Variants in SPAG1 observed in about 807,000 individuals in gnomAD.
SPAG1 encodes sperm associated antigen 1, also known as sperm-associated antigen 1.
Under a neutral mutation model 100.5 loss-of-function variants are expected in SPAG1, and 69 were observed. That is an observed-to-expected ratio of 0.69 (90% CI 0.57 to 0.84). SPAG1 has a LOEUF of 0.84. Ranked by LOEUF, SPAG1 falls within the 40% of genes least tolerant of loss-of-function variation. SPAG1 has a pLI of 0.00. For missense variants in SPAG1, 955 were observed against 1,133.1 expected (o/e 0.84, Z 2.26); for synonymous variants, 336 against 411.6 (o/e 0.82, Z 2.22).
intron 10 of SPAG1, among the ~76,000 whole-genome samples, chr8:100,205,843 C>T (rs568771292): frequency 2.8e-4 from 42 of 151,316 alleles, no homozygotes; most frequent in Admixed American, 2.3e-3. Flanking sequence ...GGTGAAACCC[C>T]GTCTCTACTA....
At chr8:100,215,967 A>G (rs1221716391) in intron 12 of SPAG1, among the ~76,000 whole-genome samples, 3 of 152,204 alleles carry the variant, frequency 2.0e-5, no homozygotes, top group Non-Finnish European at 4.4e-5. Context: ...CTGACATCAG[A>G]CCGCATCCTC....
intron 4 of SPAG1, among the ~76,000 whole-genome samples, chr8:100,180,780 TTA>T (rs2132250169): frequency 6.6e-6 from 1 of 152,352 alleles, no homozygotes; most frequent in African/African-American, 2.4e-5. Flanking sequence ...GTGACTGTAT[TTA>T]AGTCTGTTGG....
chr8:100,240,941 G>A lies in SPAG1; in HGVS notation c.2700G>A (p.Leu900=). Residue 900 remains leucine, a synonymous_variant, in exon 19 of 19, where the codon CTG becomes CTA. Coordinates refer to ENST00000388798, the MANE Select transcript of SPAG1 (RefSeq NM_003114.5). ...SKGQKELIEQ[L]FEDLSDTPNN... is the part of the protein sequence containing the mutation. ...GCCAAAAGGAGCTAATTGAACAGCT[G>A]TTTGAGGACCTTTCGGACACACCAA... is the stretch of plus-strand genomic sequence containing the variant. 1 of 1,611,694 alleles carries A rather than the reference G, an allele frequency of 6.2e-7. No individual in the cohort carries two copies. The highest frequency in any genetic ancestry group is 8.5e-7 in the Non-Finnish European group (1 of 1,179,480).
At chr8:100,217,832 G>A (rs1818077321) in intron 12 of SPAG1, among the ~76,000 whole-genome samples, 1 of 151,962 alleles carries the variant, frequency 6.6e-6, no homozygotes, top group Non-Finnish European at 1.5e-5. Flanking sequence ...ACCCAGGTTG[G>A]AGTGCAATGG....
chr8:100,224,615 G>T (rs1274038210), intron 13 of SPAG1, among the ~76,000 whole-genome samples: 1 of 152,152 alleles, frequency 6.6e-6, no homozygotes, highest in Non-Finnish European at 1.5e-5. Context: ...GAGCAAGAAA[G>T]AGTATCTTAA....
At chr8:100,170,942 A>G (rs1391278783) in intron 3 of SPAG1, among the ~76,000 whole-genome samples, 4 of 152,064 alleles carry the variant, frequency 2.6e-5, no homozygotes, top group African/African-American at 4.8e-5. Context: ...TTACAGGGAA[A>G]TCGTTCTGAC....
In SPAG1 at chr8:100,241,253, G is replaced by A; in HGVS notation, c.*231G>A. On this transcript the variant is annotated 3_prime_UTR_variant, in exon 19 of 19. Transcript: ENST00000388798. The surrounding 1 kb of genome is among the most constrained non-coding windows in gnomAD (Gnocchi z 5.1). ...AACCAAATAAGTATATTTAGAACTT[G>A]TTAAAAATACATTTTAATTTATGAT... 3.2e-6 allele frequency: 1 copy of A among 312,608 alleles called. No homozygotes were observed. The highest frequency in any genetic ancestry group is 5.7e-6 in the Non-Finnish European group (1 of 174,006). The allele number at this position is 312,608 out of a possible 1,614,324, so 19.4% of individuals were successfully genotyped here. A position where few individuals can be genotyped will look rare whatever the true frequency, so the allele number is the denominator to read the frequency against.
intron 3 of SPAG1, among the ~76,000 whole-genome samples, chr8:100,173,310 C>G (rs1037952699): frequency 6.6e-6 from 1 of 152,018 alleles, no homozygotes; most frequent in Non-Finnish European, 1.5e-5. Flanking sequence ...TTCTTTCATA[C>G]TTTGTTTGCC....
chr8:100,214,986 CTCATATATATATAT>C (rs1817900318), intron 12 of SPAG1, among the ~76,000 whole-genome samples: 1 of 90,732 alleles, frequency 1.1e-5, no homozygotes, highest in Non-Finnish European at 2.2e-5. Flanking sequence ...GTAAACTTTA[CTCATATATATATAT>C]ATATATATAT....
At chr8:100,225,382 G>T in intron 14 of SPAG1, 43 bp downstream of exon 14, 1 of 1,581,390 alleles carries the variant, frequency 6.3e-7, no homozygotes, top group South Asian at 1.1e-5. Context: ...GTTACCTTGA[G>T]TTGTGTGTGT....
At chr8:100,224,736 G>T (rs1277622363) in intron 13 of SPAG1, among the ~76,000 whole-genome samples, 1 of 152,060 alleles carries the variant, frequency 6.6e-6, no homozygotes, top group Non-Finnish European at 1.5e-5. Context: ...TGGTAATGTG[G>T]TTATCATAAT....
At chr8:100,169,899 A>G (rs1815742154) in intron 3 of SPAG1, among the ~76,000 whole-genome samples, 1 of 152,074 alleles carries the variant, frequency 6.6e-6, no homozygotes, top group Admixed American at 6.6e-5. Flanking sequence ...ATTATTTTAA[A>G]TGTCCATCTT....
At chr8:100,168,261 A>G in intron 3 of SPAG1, among the ~76,000 whole-genome samples, 1 of 152,106 alleles carries the variant, frequency 6.6e-6, no homozygotes, top group South Asian at 2.1e-4. Flanking sequence ...CCTACCAGGT[A>G]TCTCATTGTG....
chr8:100,161,920 C>A (rs556442087), intron 1 of SPAG1, among the ~76,000 whole-genome samples: 6 of 152,328 alleles, frequency 3.9e-5, no homozygotes, highest in African/African-American at 9.6e-5. Flanking sequence ...GTGATAATTT[C>A]CAGGCCTTCT....
intron 3 of SPAG1, 40 bp from the exon 4 acceptor site, chr8:100,177,776 T>C (rs1409814672): frequency 8.2e-7 from 1 of 1,217,424 alleles, no homozygotes; most frequent in Non-Finnish European, 1.2e-6. Context: ...TTGGTTATAA[T>C]TATTTCAAAC....
At chr8:100,213,960 T>C in intron 12 of SPAG1, 42 bp downstream of exon 12, 1 of 1,171,502 alleles carries the variant, frequency 8.5e-7, no homozygotes, top group Non-Finnish European at 1.3e-6. Context: ...ATTGTTATAA[T>C]TTCATTATGG....
Position 100,185,038 on chromosome 8 carries a change from C to T in SPAG1, c.701+305C>T, listed in dbSNP as rs889932661. 1.6e-5 allele frequency: 4 copies of T among 254,196 alleles called. No individual in the cohort carries two copies. The Admixed American group carries it at 1.9e-4, about 12-fold the overall frequency. The allele number at this position is 254,196 out of a possible 1,614,324, so 15.7% of individuals were successfully genotyped here. A position where few individuals can be genotyped will look rare whatever the true frequency, so the allele number is the denominator to read the frequency against. On this transcript the variant is annotated intron_variant, in intron 7 of 18. Coordinates refer to ENST00000388798, the MANE Select transcript of SPAG1 (RefSeq NM_003114.5). ...ATATAGAAGTGAATAACTTGGGTTCCATTGTAGACTGCCTGGATTTACTTC... is the reference window on the plus strand; with the variant it reads ...ATATAGAAGTGAATAACTTGGGTTCTATTGTAGACTGCCTGGATTTACTTC...
At chr8:100,212,891 G>GCGTCCT (rs1817774048) in intron 10 of SPAG1, among the ~76,000 whole-genome samples, 199 bp from the exon 11 acceptor site, 1 of 90,356 alleles carries the variant, frequency 1.1e-5, no homozygotes, top group Non-Finnish European at 2.2e-5. Context: ...TCAGGAAGCC[G>GCGTCCT]CAGGGGGCCT....
At chr8:100,233,561 C>T in intron 16 of SPAG1, 24 bp downstream of exon 16, 1 of 1,559,122 alleles carries the variant, frequency 6.4e-7, no homozygotes, top group Non-Finnish European at 8.7e-7. Context: ...CATTTTAATG[C>T]ATAAACTTCA....
Sources: gnomAD v4.1 joint callset for allele counts (sites outside exome capture counted in the v4.1 genomes callset) on GRCh38, gnomAD v4.1.1 for gene constraint, Gnocchi (gnomAD v3.1) non-coding constraint, MANE v1.5 for transcripts, NCBI Gene and HGNC (gene_info 2026-07-23, HGNC 2026-07-21) for gene names.